Variants in RFX3 observed in about 807,000 individuals in gnomAD.
RFX3 encodes the protein transcription factor RFX3.
Under a neutral mutation model 98.6 loss-of-function variants are expected in RFX3, and 14 were observed. That is an observed-to-expected ratio of 0.14 (90% CI 0.09 to 0.22). RFX3 has a LOEUF of 0.22. RFX3 is among the 10% of genes least tolerant of loss of function. RFX3 has a pLI of 1.00. For missense variants in RFX3, 639 were observed against 926.9 expected, an observed-to-expected ratio of 0.69 and a Z score of 4.03; for synonymous variants, 383 against 328.4, an observed-to-expected ratio of 1.17 and a Z score of -1.80.
intron 3 of RFX3, among the ~76,000 whole-genome samples, chr9:3,334,239 C>T (rs1374421378): frequency 3.9e-5 from 6 of 152,298 alleles, no homozygotes; most frequent in Non-Finnish European, 8.8e-5. Flanking sequence ...TGTTTTCTAG[C>T]ACTACACTAT....
intron 6 of RFX3, among the ~76,000 whole-genome samples, chr9:3,288,467 CT>C (rs1394673308): frequency 3.3e-5 from 5 of 151,994 alleles, no homozygotes; most frequent in Non-Finnish European, 7.4e-5. Context: ...GCTAAAGGCC[CT>C]GCTAAAAATA....
At chr9:3,416,220 A>T (rs1477303911) in intron 1 of RFX3, among the ~76,000 whole-genome samples, 3 of 152,178 alleles carry the variant, frequency 2.0e-5, no homozygotes, top group Non-Finnish European at 4.4e-5. Flanking sequence ...TCAAGATAGA[A>T]ATAAAGTGTT....
chr9:3,316,073 A>G (rs1238805375), intron 4 of RFX3, among the ~76,000 whole-genome samples: 1 of 152,198 alleles, frequency 6.6e-6, no homozygotes, highest in Non-Finnish European at 1.5e-5. Flanking sequence ...ACACAATAAA[A>G]AAAAAGAATT....
intron 1 of RFX3, among the ~76,000 whole-genome samples, chr9:3,524,870 CACACA>C (rs1564205483): frequency 1.4e-4 from 17 of 124,294 alleles, no homozygotes; most frequent in African/African-American, 6.6e-4. Flanking sequence ...CACACACACA[CACACA>C]CACCAAAGAA....
chr9:3,347,680 G>T (rs1834598438), intron 2 of RFX3, among the ~76,000 whole-genome samples: 1 of 151,908 alleles, frequency 6.6e-6, no homozygotes, highest in South Asian at 2.1e-4. Flanking sequence ...TATAAAATTA[G>T]CCAGGCATGG....
At chr9:3,226,709 T>C (rs993670015) in intron 16 of RFX3, among the ~76,000 whole-genome samples, 11 of 152,220 alleles carry the variant, frequency 7.2e-5, no homozygotes, top group Non-Finnish European at 4.4e-5. Flanking sequence ...GGGAGAGGGA[T>C]ACCTTTTGTA....
chr9:3,402,931 T>A (rs1295335005), intron 1 of RFX3, among the ~76,000 whole-genome samples: 1 of 151,806 alleles, frequency 6.6e-6, no homozygotes, highest in African/African-American at 2.4e-5. Context: ...AAAAAACACC[T>A]AAGGACATTA....
intron 4 of RFX3, among the ~76,000 whole-genome samples, chr9:3,302,108 G>C (rs1828736798): frequency 6.6e-6 from 1 of 151,782 alleles, no homozygotes; most frequent in Admixed American, 6.6e-5. Flanking sequence ...ATGTCCAAAA[G>C]TTACTAAATC....
At chr9:3,414,699 A>AGTATATAT (rs2132236461) in intron 1 of RFX3, among the ~76,000 whole-genome samples, 1 of 70,576 alleles carries the variant, frequency 1.4e-5, no homozygotes, top group East Asian at 3.7e-4. Flanking sequence ...TGTATATATG[A>AGTATATAT]GTATATATGA....
At chr9:3,275,443 T>G (rs1296672530) in intron 9 of RFX3, 57 bp downstream of exon 9, 1 of 951,490 alleles carries the variant, frequency 1.1e-6, no homozygotes, top group Non-Finnish European at 1.7e-6. Context: ...TATTTTATAT[T>G]AGCAAGTTAT....
intron 1 of RFX3, among the ~76,000 whole-genome samples, chr9:3,465,276 T>G (rs191178655): frequency 1.3e-5 from 2 of 151,970 alleles, no homozygotes; most frequent in Admixed American, 6.6e-5. Context: ...CCATTTCTTA[T>G]ATGTTAACCT....
chr9:3,479,782 G>A (rs1356358710), intron 1 of RFX3, among the ~76,000 whole-genome samples: 1 of 152,132 alleles, frequency 6.6e-6, no homozygotes, highest in Admixed American at 6.6e-5. Context: ...AACTGGAAGT[G>A]GGAAATCGAC....
At chr9:3,498,362 T>C (rs935947041) in intron 1 of RFX3, among the ~76,000 whole-genome samples, 4 of 152,070 alleles carry the variant, frequency 2.6e-5, no homozygotes, top group African/African-American at 9.7e-5. Context: ...TTTTCTTAGA[T>C]AAATTTTAAG....
chr9:3,241,252 A>G (rs1194435676), intron 15 of RFX3, among the ~76,000 whole-genome samples: 1 of 151,342 alleles, frequency 6.6e-6, no homozygotes, highest in Non-Finnish European at 1.5e-5. Flanking sequence ...CAGAGTAAAG[A>G]AATCTAATGT....
intron 15 of RFX3, among the ~76,000 whole-genome samples, chr9:3,244,368 T>C (rs914172392): frequency 1.3e-5 from 2 of 152,154 alleles, no homozygotes; most frequent in South Asian, 4.1e-4. Flanking sequence ...CTGTGGTGAG[T>C]TATTAACATA....
chr9:3,245,544 GA>G (rs1820547532), intron 15 of RFX3, among the ~76,000 whole-genome samples: 2 of 152,142 alleles, frequency 1.3e-5, no homozygotes, highest in African/African-American at 4.8e-5. Context: ...AGGGATTTGA[GA>G]AACAGAACTT....
chr9:3,242,591 T>A (rs907142440), intron 15 of RFX3, among the ~76,000 whole-genome samples: 1 of 152,212 alleles, frequency 6.6e-6, no homozygotes, highest in Non-Finnish European at 1.5e-5. Flanking sequence ...ATTTGTTTAC[T>A]ATGAATGTAA....
chr9:3,504,300 A>G (rs1816444536), intron 1 of RFX3, among the ~76,000 whole-genome samples: 2 of 136,816 alleles, frequency 1.5e-5, no homozygotes, highest in South Asian at 2.1e-4. Flanking sequence ...TATATATTAT[A>G]TACCACATAG....
chr9:3,464,911 TA>T lies in RFX3; in HGVS notation c.-9+60835del, dbSNP rs893811042. ...TTGAACACATAAACATGTAAATACT[TA>T]AAAAAAAAAAATTCAAAAGTTATCG... On this transcript the variant is annotated intron_variant, in intron 1 of 16. Transcript: ENST00000617270. 1.8e-3 allele frequency among the ~76,000 whole-genome samples: 263 copies of T among 147,228 alleles called. 1 individual carries two copies. Among genetic ancestry groups the T allele is most frequent in the African/African-American group, 3.1e-3 (127 of 40,400 alleles).
Sources: allele counts gnomAD v4.1 joint callset (sites outside exome capture counted in the v4.1 genomes callset), GRCh38; gene constraint gnomAD v4.1.1; transcripts MANE v1.5; gene names NCBI Gene and HGNC (gene_info 2026-07-23, HGNC 2026-07-21).